The following CTNND2 variants were observed in gnomAD, a reference collection of about 807,000 sequenced individuals.
CTNND2 encodes the protein catenin delta-2.
Under a neutral mutation model 144.4 loss-of-function variants are expected in CTNND2, and 22 were observed. The observed-to-expected ratio is 0.15, with a 90% CI of 0.11 to 0.22. CTNND2 has a LOEUF of 0.22. CTNND2 is among the 10% of genes least tolerant of loss of function. The pLI is 1.00. For synonymous variants in CTNND2, 751 were observed against 695.6 expected (o/e 1.08, Z -1.25); for missense variants, 1,353 against 1,618.8 (o/e 0.84, Z 2.82).
chr5:11,129,131 T>A (rs2023921), intron 12 of CTNND2, among the ~76,000 whole-genome samples: 2 of 27,758 alleles, frequency 7.2e-5, no homozygotes, highest in African/African-American at 2.6e-4. Flanking sequence ...TAATATATAT[T>A]TATATATATT....
At chr5:11,844,992 C>A (rs1045992136) in intron 1 of CTNND2, among the ~76,000 whole-genome samples, 1 of 152,068 alleles carries the variant, frequency 6.6e-6, no homozygotes, top group Admixed American at 6.6e-5. Flanking sequence ...CGGGAGCTAG[C>A]GTGTGACTCT....
intron 9 of CTNND2, among the ~76,000 whole-genome samples, chr5:11,288,027 A>C (rs1187310671): frequency 6.6e-6 from 1 of 152,154 alleles, no homozygotes; most frequent in Non-Finnish European, 1.5e-5. Context: ...ATTAGGGGAA[A>C]ATTTCTGGAC....
chr5:11,004,770 C>CAAAAA (rs56261802), intron 18 of CTNND2, among the ~76,000 whole-genome samples: 19 of 88,842 alleles, frequency 2.1e-4, no homozygotes, highest in Non-Finnish European at 2.8e-4. Flanking sequence ...CTCCTTCTCA[C>CAAAAA]AAAAAAAAAA....
intron 1 of CTNND2, among the ~76,000 whole-genome samples, chr5:11,881,749 T>A (rs1033452697): frequency 6.6e-6 from 1 of 152,102 alleles, no homozygotes; most frequent in African/African-American, 2.4e-5. Context: ...TTCCTTTGTA[T>A]AGATACTCAA....
intron 2 of CTNND2, among the ~76,000 whole-genome samples, chr5:11,630,464 G>A (rs745862042): frequency 8.5e-5 from 13 of 152,110 alleles, no homozygotes; most frequent in Non-Finnish European, 1.5e-4. Flanking sequence ...GGTATCTTTC[G>A]ACTTTTGGCA....
chr5:11,364,631 T>A, intron 8 of CTNND2, 65 bp downstream of exon 8: 1 of 1,354,352 alleles, frequency 7.4e-7, no homozygotes. Context: ...GGGAGTGTTA[T>A]TGAAGCTCCC....
chr5:11,566,066 A>C (rs192097924), intron 2 of CTNND2, among the ~76,000 whole-genome samples: 314 of 152,300 alleles, frequency 2.1e-3, no homozygotes, highest in Non-Finnish European at 3.6e-3. Context: ...TTTCCAGAAA[A>C]TAAGATTTTA....
intron 2 of CTNND2, among the ~76,000 whole-genome samples, chr5:11,630,293 A>G (rs566912123): frequency 7.2e-5 from 11 of 152,256 alleles, no homozygotes. Flanking sequence ...CTGCAGGAGG[A>G]TGTCTCTAAT....
intron 14 of CTNND2, 99 bp from the exon 15 acceptor site, chr5:11,098,847 C>T (rs2149666439): frequency 5.3e-6 from 6 of 1,124,130 alleles, no homozygotes; most frequent in South Asian, 4.4e-5. Context: ...AAGCAGAGTG[C>T]TATCACATTT....
chr5:11,772,844 C>A (rs549655103), intron 1 of CTNND2, among the ~76,000 whole-genome samples: 1 of 152,344 alleles, frequency 6.6e-6, no homozygotes, highest in East Asian at 1.9e-4. Context: ...ATGAATACAT[C>A]TTCTACCTCT....
chr5:11,239,013 T>C (rs924818802), intron 9 of CTNND2, among the ~76,000 whole-genome samples: 29 of 152,390 alleles, frequency 1.9e-4, no homozygotes, highest in Middle Eastern at 3.4e-3. Flanking sequence ...AGAATTATAT[T>C]CTTTATGCAA....
chr5:11,745,484 T>C (rs1788259961), intron 1 of CTNND2, among the ~76,000 whole-genome samples: 1 of 152,210 alleles, frequency 6.6e-6, no homozygotes, highest in South Asian at 2.1e-4. Flanking sequence ...GACCTCTCTT[T>C]GGCAAAGCCA....
At chr5:11,301,513 C>T (rs773792415) in intron 9 of CTNND2, among the ~76,000 whole-genome samples, 58 of 152,164 alleles carry the variant, frequency 3.8e-4, no homozygotes, top group Non-Finnish European at 6.2e-4. Flanking sequence ...ACACATAGTG[C>T]GTTTTTGGAG....
At chr5:11,286,063 C>T (rs917459974) in intron 9 of CTNND2, among the ~76,000 whole-genome samples, 1 of 148,678 alleles carries the variant, frequency 6.7e-6, no homozygotes, top group Non-Finnish European at 1.5e-5. Context: ...AAAAAAAAAA[C>T]AGATCCCTAC....
At chr5:11,707,225 C>T (rs558344885) in intron 2 of CTNND2, among the ~76,000 whole-genome samples, 2 of 152,100 alleles carry the variant, frequency 1.3e-5, no homozygotes, top group Admixed American at 1.3e-4. Context: ...TGTTGATGAA[C>T]TTTCTTACCA....
At position 11,181,655 on chromosome 5, in the gene CTNND2, A is replaced by ATG. The variant is rs150884256; in HGVS notation, c.1975+17791_1975+17792dup. Among the ~76,000 whole-genome samples, 544 of 150,556 alleles carry ATG rather than the reference A, an allele frequency of 3.6e-3. 5 individuals are homozygous for ATG. Among genetic ancestry groups the ATG allele is most frequent in the Middle Eastern group, 0.021 (6 of 292 alleles). The stretch of plus-strand genomic sequence containing the variant: ...CAAAAACCCAGGAGGCTCCGTGTGT[A>ATG]TGTGTGTGTGTGTGTCTGTGTGTGT... On this transcript the variant is annotated intron_variant, in intron 11 of 21. Coordinates refer to ENST00000304623, the MANE Select transcript of CTNND2 (RefSeq NM_001332.4).
At chr5:11,037,284 AC>A (rs2149561327) in intron 16 of CTNND2, among the ~76,000 whole-genome samples, 1 of 152,300 alleles carries the variant, frequency 6.6e-6, no homozygotes, top group South Asian at 2.1e-4. Context: ...CAGCCTTAGC[AC>A]CAACAGGTGG....
intron 12 of CTNND2, among the ~76,000 whole-genome samples, chr5:11,129,971 C>T (rs1269511635): frequency 6.6e-6 from 1 of 152,150 alleles, no homozygotes; most frequent in African/African-American, 2.4e-5. Context: ...GTTTTGAAAG[C>T]TGGTCTCTTA....
rs866488253 is a variant in CTNND2, at chr5:11,396,896, G to T, written c.612+135C>A. 1.5e-4 allele frequency: 113 copies of T among 730,342 alleles called. No homozygotes were observed. In the African/African-American group the frequency reaches 1.7e-3, roughly 11 times the overall value. 45.2% of individuals were successfully genotyped at this position (730,342 alleles called of 1,614,324 possible). A position where few individuals can be genotyped will look rare whatever the true frequency, so the allele number is the denominator to read the frequency against. ...TTTTCTTCATTCACAGCACCAAAGG[G>T]CATTTTCCCTCAAGTTGAGGGACAC... On this transcript the variant is annotated intron_variant, in intron 6 of 21. Coordinates refer to ENST00000304623, the MANE Select transcript of CTNND2 (RefSeq NM_001332.4).
Sources: gnomAD v4.1 joint callset for allele counts (sites outside exome capture counted in the v4.1 genomes callset) on GRCh38, gnomAD v4.1.1 for gene constraint, MANE v1.5 for transcripts, NCBI Gene and HGNC (gene_info 2026-07-23, HGNC 2026-07-21) for gene names.